The following IFT140 variants were observed in gnomAD, a reference collection of about 807,000 sequenced individuals.
The protein encoded by IFT140 is intraflagellar transport protein 140 homolog.
A neutral mutation model predicts 164.6 loss-of-function variants in IFT140; 133 were observed. The ratio of observed to expected loss-of-function variants is 0.81; its 90% confidence interval spans 0.70 to 0.93. The LOEUF is 0.93. Ranked by LOEUF, IFT140 falls within the 40% of genes least tolerant of loss-of-function variation. IFT140 has a pLI of 0.00. For synonymous variants in IFT140, 860 were observed against 817.3 expected, an observed-to-expected ratio of 1.05 and a Z score of -0.89; for missense variants, 2,045 against 1,972.3, an observed-to-expected ratio of 1.04 and a Z score of -0.70.
At chr16:1,585,766 CTTTTTTTTT>C (rs916504738) in intron 10 of IFT140, among the ~76,000 whole-genome samples, 1 of 119,362 alleles carries the variant, frequency 8.4e-6, no homozygotes, top group Non-Finnish European at 1.8e-5. Flanking sequence ...CCTCCACTTT[CTTTTTTTTT>C]TTTTTTTTTT....
At position 1,584,278 on chromosome 16, in the gene IFT140, G is replaced by C; in HGVS notation, c.1298C>G (p.Ser433Cys). The C allele has an allele frequency of 6.2e-7, 1 of 1,613,898 alleles. No homozygotes were observed. Among genetic ancestry groups the C allele is most frequent in the South Asian group, 1.1e-5 (1 of 91,068 alleles). ...SPSLLNVCFLSTGVAHSLRTD... is the reference protein window; with the variant it reads ...SPSLLNVCFLCTGVAHSLRTD... ...GCGCAGGCTGTGTGCGACCCCCGTG[G>C]ACAGGAAGCACACATTCAGCAGACT... Residue 433 changes from serine to cysteine, a missense_variant, in exon 11 of 31, where the codon TCC (serine) becomes TGC (cysteine). By Grantham distance (112) the Ser-to-Cys change is moderately radical (BLOSUM62 -1). Transcript: ENST00000426508.
intron 30 of IFT140, among the ~76,000 whole-genome samples, chr16:1,511,988 C>T (rs1227458834): frequency 6.6e-6 from 1 of 151,280 alleles, no homozygotes; most frequent in African/African-American, 2.4e-5. Context: ...ACCCTGTGGT[C>T]AGAAAGGGCC....
At chr16:1,565,318 G>A (rs981314929) in intron 16 of IFT140, among the ~76,000 whole-genome samples, 3 of 152,122 alleles carry the variant, frequency 2.0e-5, no homozygotes, top group East Asian at 1.9e-4. Flanking sequence ...GGAGAATGGG[G>A]CCTGCACTCG....
chr16:1,589,563 C>T, intron 7 of IFT140, 42 bp downstream of exon 7: 7 of 1,596,574 alleles, frequency 4.4e-6, no homozygotes, highest in Admixed American at 3.4e-5. Context: ...AGAACCTGGC[C>T]CAAGATCCCC....
intron 19 of IFT140, among the ~76,000 whole-genome samples, chr16:1,538,838 C>T (rs1424068190): frequency 6.6e-6 from 1 of 152,190 alleles, no homozygotes; most frequent in Admixed American, 6.5e-5. Flanking sequence ...TTGGGGCTGG[C>T]TGTGGAGTCC....
chr16:1,542,441 A>T (rs553739294), intron 19 of IFT140, among the ~76,000 whole-genome samples: 1 of 152,092 alleles, frequency 6.6e-6, no homozygotes, highest in Non-Finnish European at 1.5e-5. Flanking sequence ...CCCTTCCTCA[A>T]TGCTGAGGCA....
At chr16:1,528,335 GCA>G (rs774594216) in intron 19 of IFT140, among the ~76,000 whole-genome samples, 49 of 103,318 alleles carry the variant, frequency 4.7e-4, no homozygotes, top group East Asian at 2.5e-3. Context: ...ACGCACGTGT[GCA>G]CACACACGCA....
At chr16:1,520,546 G>T in intron 27 of IFT140, 56 bp downstream of exon 27, 2 of 1,497,712 alleles carry the variant, frequency 1.3e-6, no homozygotes, top group Non-Finnish European at 9.0e-7. Flanking sequence ...CGTGCAGGGG[G>T]CCCGCAGCCT....
chr16:1,515,770 G>A (rs1411887864), intron 30 of IFT140, among the ~76,000 whole-genome samples: 1 of 152,190 alleles, frequency 6.6e-6, no homozygotes, highest in African/African-American at 2.4e-5. Context: ...TTAACGAAAA[G>A]TAAGAAAATT....
chr16:1,579,375 GT>G (rs1889170649), intron 13 of IFT140: 1 of 152,160 alleles, frequency 6.6e-6, no homozygotes, highest in African/African-American at 2.4e-5. Flanking sequence ...TCAAGGTCAA[GT>G]GCACAAGCCA....
intron 30 of IFT140, among the ~76,000 whole-genome samples, chr16:1,515,588 G>A (rs1479233318): frequency 1.3e-5 from 2 of 151,938 alleles, no homozygotes; most frequent in African/African-American, 2.4e-5. Context: ...TTCAGAGATG[G>A]GGTCTCACTT....
chr16:1,513,177 T>C (rs1016939824), intron 30 of IFT140: 4 of 152,154 alleles, frequency 2.6e-5, no homozygotes, highest in Admixed American at 6.5e-5. Context: ...ATTCTCTATG[T>C]TGGCTACAAC....
chr16:1,541,602 T>C (rs528348268), intron 19 of IFT140: 2 of 625,418 alleles, frequency 3.2e-6, no homozygotes, highest in Non-Finnish European at 4.0e-6. Flanking sequence ...CCTTCAAGGG[T>C]CAAGTCAGGC....
chr16:1,535,571 T>C (rs1017506913), intron 19 of IFT140, among the ~76,000 whole-genome samples: 9 of 152,190 alleles, frequency 5.9e-5, no homozygotes, highest in African/African-American at 1.9e-4. Flanking sequence ...CCCGGAGTAC[T>C]GGGGTAACAC....
intron 19 of IFT140, among the ~76,000 whole-genome samples, chr16:1,556,473 C>T (rs933120968): frequency 6.6e-6 from 1 of 152,250 alleles, no homozygotes; most frequent in African/African-American, 2.4e-5. Context: ...CGTGTACGGT[C>T]GGGGCCGGGC....
Position 1,519,919 on chromosome 16 carries a change from G to C in IFT140, c.4002C>G (p.Ser1334Arg). The C allele has an allele frequency of 1.3e-6, 2 of 1,593,616 alleles. No homozygotes were observed. The highest frequency in any genetic ancestry group is 2.3e-5 in the South Asian group (2 of 88,046). ...DQETRLAQLQ[S>R]RMALVKRFIQ... ...TGAACCTCTTCACCAGTGCCATCCT[G>C]CTCTGCAGCTGCGCCAGCCTGGTCT... The change falls in exon 29 of 31, where the codon AGC becomes AGG. Residue 1334 changes from serine to arginine, a missense_variant. By Grantham distance (110) the Ser-to-Arg change is moderately radical. Transcript: ENST00000426508.
At chr16:1,602,852 A>G (rs536225178) in intron 3 of IFT140, among the ~76,000 whole-genome samples, 34 of 152,250 alleles carry the variant, frequency 2.2e-4, no homozygotes, top group Admixed American at 2.2e-3. Context: ...AGGCAGGAGA[A>G]TTGCTTGAAC....
In IFT140 at chr16:1,510,795, C is replaced by T. The variant is rs368151122; in HGVS notation, c.*149G>A. 1.9e-4 allele frequency: 143 copies of T among 755,538 alleles called. No homozygotes were observed. In the African/African-American group the frequency reaches 2.0e-3, roughly 10 times the overall value. The allele number at this position is 755,538 out of a possible 1,614,324, so 46.8% of individuals were successfully genotyped here. A position where few individuals can be genotyped will look rare whatever the true frequency, so the allele number is the denominator to read the frequency against. ...AGACGGGTCACACCCTCCGCCGGCCCGGGCCGCTGCGTTCTCGCCCAGCTC... is the reference window on the plus strand; with the variant it reads ...AGACGGGTCACACCCTCCGCCGGCCTGGGCCGCTGCGTTCTCGCCCAGCTC... On this transcript the variant is annotated 3_prime_UTR_variant, in exon 31 of 31. Transcript: ENST00000426508.
At chr16:1,602,993 T>C (rs1001347498) in intron 3 of IFT140, among the ~76,000 whole-genome samples, 3 of 152,130 alleles carry the variant, frequency 2.0e-5, no homozygotes, top group East Asian at 1.9e-4. Flanking sequence ...GGACTCCACA[T>C]TGGCGACAAG....
Sources: gnomAD v4.1 joint callset for allele counts (sites outside exome capture counted in the v4.1 genomes callset) on GRCh38, gnomAD v4.1.1 for gene constraint, MANE v1.5 for transcripts, NCBI Gene and HGNC (gene_info 2026-07-23, HGNC 2026-07-21) for gene names.